Variants in CDKL4 observed in about 807,000 individuals in gnomAD.
The protein encoded by CDKL4 is cyclin dependent kinase like 4.
CDKL4 carries 44 observed loss-of-function variants against 42.0 expected under a neutral mutation model. That is an observed-to-expected ratio of 1.05 (90% CI 0.82 to 1.35). CDKL4 has a LOEUF of 1.35. Ranked by LOEUF, CDKL4 falls within the 40% of genes most tolerant of loss-of-function variation. The pLI is 0.00. For synonymous variants in CDKL4, 120 were observed against 121.6 expected, an observed-to-expected ratio of 0.99 and a Z score of 0.09; for missense variants, 393 against 369.9, an observed-to-expected ratio of 1.06 and a Z score of -0.51.
In CDKL4 at chr2:39,225,991, G is replaced by C. The variant is rs1235251923; in HGVS notation, c.169-31C>G. On this transcript the variant is annotated intron_variant, in intron 2 of 9. Transcript: ENST00000451199. ...AAAGAATTGAAATGCAAAGTTAAGT[G>C]ATCTGTTACTAGTAAAAGCTTCTAC... 8 of 1,597,994 alleles carry C rather than the reference G, an allele frequency of 5.0e-6. 1 individual carries two copies. The Admixed American group carries it at 1.0e-4, about 21-fold the overall frequency.
At chr2:39,223,627 A>G (rs74997536) in intron 3 of CDKL4, among the ~76,000 whole-genome samples, 27 of 145,042 alleles carry the variant, frequency 1.9e-4, no homozygotes, top group Middle Eastern at 3.5e-3. Context: ...AAAAAAAAAA[A>G]AGAGAGATGG....
At chr2:39,234,496 T>C (rs1367436798) in intron 1 of CDKL4, among the ~76,000 whole-genome samples, 1 of 152,156 alleles carries the variant, frequency 6.6e-6, no homozygotes, top group Non-Finnish European at 1.5e-5. Context: ...CGAACGTATG[T>C]ACAACTGGAG....
downstream of CDKL4, among the ~76,000 whole-genome samples, chr2:39,173,783 A>C (rs2148272373): frequency 6.9e-6 from 1 of 143,886 alleles, no homozygotes; most frequent in African/African-American, 2.6e-5. Context: ...ACTGCACTCC[A>C]GCCTGGGCGA....
the CDKL4 span, among the ~76,000 whole-genome samples, chr2:39,170,347 C>T: frequency 3.0e-4 from 45 of 149,894 alleles, no homozygotes; most frequent in Middle Eastern, 0.011. Flanking sequence ...CAAACAAACA[C>T]ATATGCAGAA....
chr2:39,184,457 T>G (rs1351358283), intron 8 of CDKL4, 134 bp downstream of exon 8: 1 of 602,788 alleles, frequency 1.7e-6, no homozygotes, highest in South Asian at 2.0e-5. Flanking sequence ...GGAATTGTTT[T>G]ACAGTTCTTT....
intron 1 of CDKL4, among the ~76,000 whole-genome samples, chr2:39,239,574 T>C (rs1475399313): frequency 6.6e-6 from 1 of 152,200 alleles, no homozygotes; most frequent in Admixed American, 6.5e-5. Context: ...TTACCAAAGA[T>C]ACACAAATGT....
upstream of CDKL4, among the ~76,000 whole-genome samples, chr2:39,244,706 G>A (rs1394990378): frequency 6.6e-6 from 1 of 152,262 alleles, no homozygotes; most frequent in Non-Finnish European, 1.5e-5. Context: ...CAGCCCCTGT[G>A]CGGGATCCAC....
At chr2:39,212,149 C>T (rs540155306) in intron 4 of CDKL4, among the ~76,000 whole-genome samples, 1 of 152,202 alleles carries the variant, frequency 6.6e-6, no homozygotes, top group African/African-American at 2.4e-5. Flanking sequence ...GGGGGTGGGG[C>T]CCAGGAAGCT....
intron 3 of CDKL4, among the ~76,000 whole-genome samples, chr2:39,221,061 TG>T (rs752000162): frequency 2.9e-5 from 4 of 138,600 alleles, no homozygotes; most frequent in Non-Finnish European, 3.1e-5. Context: ...TCGCCCAGGC[TG>T]GAGTGCAGTG....
At chr2:39,239,741 G>T (rs1277932472) in intron 1 of CDKL4, among the ~76,000 whole-genome samples, 2 of 152,208 alleles carry the variant, frequency 1.3e-5, no homozygotes, top group Non-Finnish European at 2.9e-5. Context: ...CAAATCACTG[G>T]TGAGGATGTA....
intron 1 of CDKL4, among the ~76,000 whole-genome samples, chr2:39,236,566 T>C (rs73922859): frequency 0.046 from 6,962 of 152,144 alleles, 557 homozygotes; most frequent in African/African-American, 0.16. Context: ...ACCATTCGTA[T>C]ACAAGGGAAC....
intron 3 of CDKL4, among the ~76,000 whole-genome samples, chr2:39,224,783 C>G (rs761007175): frequency 5.3e-5 from 8 of 152,080 alleles, no homozygotes; most frequent in Non-Finnish European, 8.8e-5. Flanking sequence ...AGACACTGCA[C>G]CCAGCCATTC....
intron 3 of CDKL4, among the ~76,000 whole-genome samples, chr2:39,213,807 T>C (rs1288569112): frequency 6.6e-6 from 1 of 152,198 alleles, no homozygotes; most frequent in Non-Finnish European, 1.5e-5. Flanking sequence ...CAAATCTTGC[T>C]ACCCCAAAAT....
At chr2:39,231,943 G>C (rs1292697350) in intron 1 of CDKL4, among the ~76,000 whole-genome samples, 1 of 152,102 alleles carries the variant, frequency 6.6e-6, no homozygotes, top group Admixed American at 6.5e-5. Context: ...AAAGTTATTG[G>C]TATAAAACTT....
intron 4 of CDKL4, among the ~76,000 whole-genome samples, chr2:39,205,227 A>T (rs1481418169): frequency 6.6e-6 from 1 of 152,162 alleles, no homozygotes; most frequent in Non-Finnish European, 1.5e-5. Context: ...AGTAACATAC[A>T]ATTATTTCTT....
intron 2 of CDKL4, among the ~76,000 whole-genome samples, chr2:39,229,157 T>C (rs1197310191): frequency 2.6e-5 from 4 of 152,208 alleles, no homozygotes; most frequent in South Asian, 2.1e-4. Context: ...AAAGTTCTTT[T>C]CAGTATAACA....
chr2:39,225,795 A>G (rs373664586), intron 3 of CDKL4, 44 bp downstream of exon 3: 1 of 1,559,984 alleles, frequency 6.4e-7, no homozygotes, highest in African/African-American at 1.4e-5. Context: ...AGAAAATGAA[A>G]CTGAGAACTG....
intron 4 of CDKL4, among the ~76,000 whole-genome samples, chr2:39,206,433 T>C (rs1677193543): frequency 6.6e-6 from 1 of 152,330 alleles, no homozygotes; most frequent in East Asian, 1.9e-4. Context: ...GTCATCATAA[T>C]GACCCTGAAT....
exon 10 of CDKL4, chr2:39,175,865 GAGCAAAACAATTCT>G (rs1238633053): frequency 8.2e-5 from 30 of 367,438 alleles, no homozygotes; most frequent in Non-Finnish European, 1.3e-4. Context: ...GCAATGATCA[GAGCAAAACAATTCT>G]AGAAGGCATC....
Sources: gnomAD v4.1 joint callset for allele counts (sites outside exome capture counted in the v4.1 genomes callset) on GRCh38, gnomAD v4.1.1 for gene constraint, MANE v1.5 for transcripts, NCBI Gene and HGNC (gene_info 2026-07-23, HGNC 2026-07-21) for gene names.